The following THSD4 variants were observed in gnomAD, a reference collection of about 807,000 sequenced individuals.
The protein encoded by THSD4 is thrombospondin type-1 domain-containing protein 4.
In THSD4, 69 loss-of-function variants were observed where a neutral mutation model predicts 119.0. The ratio of observed to expected loss-of-function variants is 0.58; its 90% confidence interval spans 0.48 to 0.71. THSD4 has a LOEUF of 0.71. THSD4 is among the 30% of genes least tolerant of loss of function. The pLI is 0.00. For missense variants in THSD4, 1,393 were observed against 1,391.1 expected (o/e 1.00, Z -0.02); for synonymous variants, 524 against 540.4 (o/e 0.97, Z 0.42).
At position 71,195,893 on chromosome 15, in the gene THSD4, A is replaced by G. The variant is rs1230707146; in HGVS notation, c.100-19142A>G. Among the ~76,000 whole-genome samples, 6 of 152,202 alleles carry G rather than the reference A, an allele frequency of 3.9e-5. No homozygotes were observed. The South Asian group carries it at 1.0e-3, about 26-fold the overall frequency. On this transcript the variant is annotated intron_variant, in intron 3 of 17. Transcript: ENST00000261862. ...ATAACCTGCAAGCTGAGTACACTTG[A>G]CCAATGAGGAAACTAAGGCTTATTC...
intron 6 of THSD4, among the ~76,000 whole-genome samples, chr15:71,363,749 C>T (rs1221103270): frequency 6.6e-6 from 1 of 152,126 alleles, no homozygotes; most frequent in African/African-American, 2.4e-5. Flanking sequence ...GATAATTGGC[C>T]TCTTGGGGAC....
chr15:71,437,661 C>G (rs1370262548), intron 7 of THSD4, among the ~76,000 whole-genome samples: 1 of 152,154 alleles, frequency 6.6e-6, no homozygotes, highest in Non-Finnish European at 1.5e-5. Flanking sequence ...TTCTGAGCCC[C>G]AGCACTGCAG....
intron 7 of THSD4, among the ~76,000 whole-genome samples, chr15:71,440,490 T>C (rs1251741558): frequency 1.3e-5 from 2 of 152,230 alleles, no homozygotes; most frequent in East Asian, 1.9e-4. Flanking sequence ...ATAAACTCTT[T>C]CTATTTTTGG....
chr15:71,392,250 C>G (rs1347080550), intron 6 of THSD4, among the ~76,000 whole-genome samples: 1 of 152,178 alleles, frequency 6.6e-6, no homozygotes, highest in African/African-American at 2.4e-5. Flanking sequence ...ATAAAGCTTC[C>G]AAATGCAGAC....
chr15:71,561,615 G>A (rs763385045), intron 7 of THSD4, among the ~76,000 whole-genome samples: 13 of 152,222 alleles, frequency 8.5e-5, no homozygotes, highest in Admixed American at 2.6e-4. Flanking sequence ...TCAGGAATCC[G>A]GAGTGTAGCT....
chr15:71,234,200 C>T (rs929611480), intron 4 of THSD4, among the ~76,000 whole-genome samples: 2 of 152,242 alleles, frequency 1.3e-5, no homozygotes, highest in African/African-American at 4.8e-5. Flanking sequence ...CCCCATAAAG[C>T]GTGCAAGTCC....
chr15:71,560,587 T>C (rs574664910), intron 7 of THSD4, among the ~76,000 whole-genome samples: 1 of 152,202 alleles, frequency 6.6e-6, no homozygotes, highest in African/African-American at 2.4e-5. Flanking sequence ...TTCCAAGTCA[T>C]TTTTGTAAAT....
At chr15:71,431,774 C>A (rs1027695845) in intron 7 of THSD4, among the ~76,000 whole-genome samples, 3 of 152,062 alleles carry the variant, frequency 2.0e-5, no homozygotes, top group African/African-American at 7.2e-5. Context: ...CATGCTCCAG[C>A]AAGACAATTC....
At chr15:71,734,874 G>T (rs2053052388) in intron 10 of THSD4, among the ~76,000 whole-genome samples, 1 of 151,356 alleles carries the variant, frequency 6.6e-6, no homozygotes, top group African/African-American at 2.4e-5. Flanking sequence ...CTTCCCAGAG[G>T]GAGTCTAACC....
chr15:71,171,863 C>T (rs983840956), intron 3 of THSD4, among the ~76,000 whole-genome samples: 5 of 152,000 alleles, frequency 3.3e-5, no homozygotes, highest in South Asian at 2.1e-4. Flanking sequence ...AATTGGAAGA[C>T]GATCATAAAA....
intron 7 of THSD4, among the ~76,000 whole-genome samples, chr15:71,465,796 A>G (rs1232510378): frequency 6.6e-6 from 1 of 152,200 alleles, no homozygotes; most frequent in Non-Finnish European, 1.5e-5. Context: ...CACTGGAAAG[A>G]ATGCTTTGGT....
At chr15:71,537,887 C>G (rs2048707648) in intron 7 of THSD4, among the ~76,000 whole-genome samples, 1 of 151,996 alleles carries the variant, frequency 6.6e-6, no homozygotes, top group South Asian at 2.1e-4. Context: ...CTCACCCTCC[C>G]AAGTAGCTGG....
intron 5 of THSD4, among the ~76,000 whole-genome samples, chr15:71,245,315 G>A (rs2044190559): frequency 6.6e-6 from 1 of 152,112 alleles, no homozygotes; most frequent in Non-Finnish European, 1.5e-5. Context: ...ATTCCTTAGA[G>A]GTTCCATTAT....
chr15:71,216,788 G>T (rs1047474084), intron 4 of THSD4, among the ~76,000 whole-genome samples: 22 of 152,342 alleles, frequency 1.4e-4, no homozygotes, highest in African/African-American at 5.3e-4. Context: ...TGCCGTAATA[G>T]CATAGCTCCA....
chr15:71,353,011 C>T (rs917491855), intron 6 of THSD4, among the ~76,000 whole-genome samples: 2 of 152,162 alleles, frequency 1.3e-5, no homozygotes, highest in African/African-American at 4.8e-5. Context: ...GGAGAGGAGG[C>T]TATAAAGGCT....
intron 5 of THSD4, among the ~76,000 whole-genome samples, chr15:71,246,871 A>AATCT (rs2140278360): frequency 6.6e-6 from 1 of 151,438 alleles, no homozygotes; most frequent in Admixed American, 6.6e-5. Context: ...CGCAAGACTC[A>AATCT]ATCTGGTCCA....
At chr15:71,423,802 C>G (rs1044089839) in intron 7 of THSD4, among the ~76,000 whole-genome samples, 5 of 152,130 alleles carry the variant, frequency 3.3e-5, no homozygotes, top group African/African-American at 1.2e-4. Flanking sequence ...ACATTTAGGA[C>G]CCCAGAGTAC....
At chr15:71,372,689 C>A (rs112695646) in intron 6 of THSD4, among the ~76,000 whole-genome samples, 1 of 152,214 alleles carries the variant, frequency 6.6e-6, no homozygotes, top group Non-Finnish European at 1.5e-5. Flanking sequence ...GTGCCCCTAC[C>A]GGGGGGTGCC....
chr15:71,373,722 A>T (rs1014132217), intron 6 of THSD4, among the ~76,000 whole-genome samples: 7 of 152,120 alleles, frequency 4.6e-5, no homozygotes, highest in African/African-American at 1.7e-4. Context: ...GTCCAGGCAG[A>T]TGTTGTCAAA....
Sources: gnomAD v4.1 joint callset for allele counts (sites outside exome capture counted in the v4.1 genomes callset) on GRCh38, gnomAD v4.1.1 for gene constraint, MANE v1.5 for transcripts, NCBI Gene and HGNC (gene_info 2026-07-23, HGNC 2026-07-21) for gene names.